DPYD: variants seen among roughly 807,000 people sequenced by gnomAD.
DPYD encodes dihydropyrimidine dehydrogenase [NADP(+)].
In DPYD, 109 loss-of-function variants were observed where a neutral mutation model predicts 116.2. The observed-to-expected ratio is 0.94, with a 90% CI of 0.80 to 1.10. The LOEUF (loss-of-function observed/expected upper bound fraction) is 1.10, where lower values mean the gene tolerates loss of function less well. DPYD is among the 50% of genes least tolerant of loss of function. The pLI, the probability that DPYD is intolerant of heterozygous loss-of-function variation, is 0.00. For missense variants in DPYD, 1,302 were observed against 1,254.5 expected, an observed-to-expected ratio of 1.04 and a Z score of -0.57; for synonymous variants, 440 against 432.0, an observed-to-expected ratio of 1.02 and a Z score of -0.23.
intron 13 of DPYD, among the ~76,000 whole-genome samples, chr1:97,487,474 C>T (rs1410923797): frequency 1.3e-5 from 2 of 152,100 alleles, no homozygotes; most frequent in Non-Finnish European, 2.9e-5. Context: ...GAGATCGACA[C>T]CATCCTGGCT....
chr1:97,106,642 A>C (rs1255294117), intron 20 of DPYD, among the ~76,000 whole-genome samples: 1 of 152,036 alleles, frequency 6.6e-6, no homozygotes, highest in African/African-American at 2.4e-5. Flanking sequence ...CCCAGTCCTG[A>C]GGCCTGCAGA....
intron 6 of DPYD, among the ~76,000 whole-genome samples, chr1:97,693,691 A>C (rs1661151876): frequency 6.6e-6 from 1 of 152,206 alleles, no homozygotes; most frequent in East Asian, 1.9e-4. Flanking sequence ...ACAGGAAAGC[A>C]AAAGCAATGG....
intron 16 of DPYD, among the ~76,000 whole-genome samples, chr1:97,326,454 T>C (rs1458807157): frequency 6.6e-6 from 1 of 151,850 alleles, no homozygotes; most frequent in East Asian, 1.9e-4. Flanking sequence ...TAGATGGTGG[T>C]TGATGTCTTG....
chr1:97,855,173 C>T (rs1467585618), intron 2 of DPYD: 1 of 152,208 alleles, frequency 6.6e-6, no homozygotes, highest in African/African-American at 2.4e-5. Flanking sequence ...CGTGTGTTCT[C>T]GAAAGTTCAT....
intron 14 of DPYD, among the ~76,000 whole-genome samples, chr1:97,424,004 G>A (rs1040579599): frequency 2.6e-5 from 4 of 151,812 alleles, no homozygotes; most frequent in African/African-American, 4.8e-5. Context: ...TTAACACACC[G>A]ACACTATGAC....
At chr1:97,866,871 T>C (rs888423494) in intron 2 of DPYD, among the ~76,000 whole-genome samples, 1 of 151,630 alleles carries the variant, frequency 6.6e-6, no homozygotes, top group Non-Finnish European at 1.5e-5. Flanking sequence ...CCGCAGGAAG[T>C]GTTCATGAAA....
rs184959728 is a variant in DPYD, at chr1:97,340,744, T to C, written c.2058+32817A>G. On this transcript the variant is annotated intron_variant, in intron 16 of 22. Coordinates refer to ENST00000370192, the MANE Select transcript of DPYD (RefSeq NM_000110.4). ...TAGGTATCTGTTAGATTTTGACTGATCAGTCAGATTGAAAACAGTAAATAC... is the reference window on the plus strand; with the variant it reads ...TAGGTATCTGTTAGATTTTGACTGACCAGTCAGATTGAAAACAGTAAATAC... Among the ~76,000 whole-genome samples, 76 of 152,282 alleles carry C rather than the reference T, an allele frequency of 5.0e-4. 1 individual carries two copies. The highest frequency in any genetic ancestry group is 7.4e-5 in the Non-Finnish European group (5 of 68,018).
At chr1:97,381,862 A>C (rs1393316629) in intron 15 of DPYD, among the ~76,000 whole-genome samples, 1 of 152,222 alleles carries the variant, frequency 6.6e-6, no homozygotes, top group East Asian at 1.9e-4. Flanking sequence ...GATTCAATTT[A>C]TATTATGGAA....
At chr1:97,762,671 A>G (rs1665640508) in intron 3 of DPYD, among the ~76,000 whole-genome samples, 1 of 151,984 alleles carries the variant, frequency 6.6e-6, no homozygotes, top group Admixed American at 6.6e-5. Context: ...TTTCTTTCCA[A>G]TCTACTTAGC....
intron 3 of DPYD, among the ~76,000 whole-genome samples, chr1:97,787,711 C>T (rs1401480131): frequency 6.6e-6 from 1 of 152,074 alleles, no homozygotes; most frequent in Admixed American, 6.5e-5. Context: ...AAGGCTATAA[C>T]AATAATAGAG....
chr1:97,669,753 C>T (rs1351849764), intron 8 of DPYD, among the ~76,000 whole-genome samples: 1 of 151,974 alleles, frequency 6.6e-6, no homozygotes, highest in Non-Finnish European at 1.5e-5. Context: ...TAAATTATCC[C>T]CCAAAATTTC....
intron 20 of DPYD, among the ~76,000 whole-genome samples, chr1:97,129,439 G>C (rs1360033770): frequency 6.6e-6 from 1 of 152,030 alleles, no homozygotes; most frequent in Non-Finnish European, 1.5e-5. Context: ...ATTCCATCTT[G>C]GTCTTCCTTG....
At chr1:97,156,086 C>A (rs1039402010) in intron 20 of DPYD, among the ~76,000 whole-genome samples, 10 of 152,210 alleles carry the variant, frequency 6.6e-5, no homozygotes, top group African/African-American at 2.2e-4. Flanking sequence ...AAATAAATAA[C>A]TTGATTGATT....
intron 5 of DPYD, among the ~76,000 whole-genome samples, chr1:97,709,671 A>G (rs1304641245): frequency 6.6e-6 from 1 of 151,778 alleles, no homozygotes; most frequent in African/African-American, 2.4e-5. Context: ...TTTTCCCCCA[A>G]GTCTCCTCAC....
At chr1:97,540,994 T>C (rs1424695522) in intron 12 of DPYD, among the ~76,000 whole-genome samples, 1 of 152,222 alleles carries the variant, frequency 6.6e-6, no homozygotes. Flanking sequence ...TATTTGGTGC[T>C]TTTGTAATGA....
intron 3 of DPYD, among the ~76,000 whole-genome samples, chr1:97,766,506 T>C (rs1665863336): frequency 6.6e-6 from 1 of 152,052 alleles, no homozygotes; most frequent in South Asian, 2.1e-4. Flanking sequence ...GTCTTCCCAT[T>C]TGGCAAAAGA....
intron 12 of DPYD, among the ~76,000 whole-genome samples, chr1:97,522,900 A>G (rs1648788508): frequency 1.3e-5 from 2 of 152,076 alleles, no homozygotes; most frequent in African/African-American, 2.4e-5. Flanking sequence ...TTTAATAATT[A>G]TTTTTAATAC....
intron 19 of DPYD, among the ~76,000 whole-genome samples, chr1:97,213,091 G>A (rs1375261965): frequency 6.6e-6 from 1 of 151,896 alleles, no homozygotes; most frequent in Non-Finnish European, 1.5e-5. Context: ...GCTCTCTGGA[G>A]TCTCTTGAAT....
intron 2 of DPYD, among the ~76,000 whole-genome samples, chr1:97,867,653 C>T (rs1671451650): frequency 6.6e-6 from 1 of 151,718 alleles, no homozygotes; most frequent in Admixed American, 6.6e-5. Context: ...CAGGAAAAAA[C>T]ATTGGACAAA....
Sources: gnomAD v4.1 joint callset for allele counts (sites outside exome capture counted in the v4.1 genomes callset) on GRCh38, gnomAD v4.1.1 for gene constraint, MANE v1.5 for transcripts, NCBI Gene and HGNC (gene_info 2026-07-23, HGNC 2026-07-21) for gene names.